TMEM51: variants seen among roughly 807,000 people sequenced by gnomAD.
TMEM51 encodes transmembrane protein 51.
A neutral mutation model predicts 13.6 loss-of-function variants in TMEM51; 8 were observed. The ratio of observed to expected loss-of-function variants is 0.59; its 90% confidence interval spans 0.35 to 1.07. The LOEUF (loss-of-function observed/expected upper bound fraction) is 1.07, where lower values mean the gene tolerates loss of function less well. Among genes scored for constraint, TMEM51 ranks in the 50% least tolerant of loss-of-function variants. The pLI is 0.02. For synonymous variants in TMEM51, 147 were observed against 144.4 expected (o/e 1.02, Z -0.13); for missense variants, 279 against 330.7 (o/e 0.84, Z 1.21).
At chr1:15,176,860 G>T (rs1643470755) in intron 1 of TMEM51, among the ~76,000 whole-genome samples, 1 of 152,174 alleles carries the variant, frequency 6.6e-6, no homozygotes, top group African/African-American at 2.4e-5. Context: ...AAGACTTAGA[G>T]GAGTCAGTTA....
At chr1:15,201,506 G>A (rs1322326124) in intron 1 of TMEM51, among the ~76,000 whole-genome samples, 1 of 152,016 alleles carries the variant, frequency 6.6e-6, no homozygotes, top group Non-Finnish European at 1.5e-5. Context: ...CATTTCATAG[G>A]AGCTTAGGAG....
chr1:15,217,686 C>G (rs188095475), intron 3 of TMEM51, among the ~76,000 whole-genome samples: 86 of 152,088 alleles, frequency 5.7e-4, no homozygotes, highest in Middle Eastern at 3.4e-3. Context: ...ATGAGATGTC[C>G]CAGCTCAAGC....
Position 15,207,044 on chromosome 1 carries a change from T to G in TMEM51, c.-266-3446T>G, listed in dbSNP as rs1483503482. Among the ~76,000 whole-genome samples the G allele has an allele frequency of 6.6e-6, 1 of 152,208 alleles. No homozygotes were observed. The highest frequency in any genetic ancestry group is 1.5e-5 in the Non-Finnish European group (1 of 68,028). On this transcript the variant is annotated intron_variant, in intron 1 of 3. Coordinates refer to ENST00000376008, the MANE Select transcript of TMEM51 (RefSeq NM_001136218.2). The surrounding 1 kb of genome is among the most constrained non-coding windows in gnomAD (Gnocchi z 4.6). ...GACTGGAAATTGTGACAAAAGTGATTGTGGGCTGAAACTTGGCAGAGAGAG... is the reference window on the plus strand; with the variant it reads ...GACTGGAAATTGTGACAAAAGTGATGGTGGGCTGAAACTTGGCAGAGAGAG...
At chr1:15,177,595 G>T (rs1643490419) in intron 1 of TMEM51, among the ~76,000 whole-genome samples, 1 of 152,164 alleles carries the variant, frequency 6.6e-6, no homozygotes, top group Non-Finnish European at 1.5e-5. Context: ...CTGTCCCTGT[G>T]GTTAATTGGT....
At chr1:15,178,435 C>T (rs1020454240) in intron 1 of TMEM51, among the ~76,000 whole-genome samples, 6 of 152,140 alleles carry the variant, frequency 3.9e-5, no homozygotes, top group Admixed American at 3.3e-4. Flanking sequence ...AAAGCAGATG[C>T]CGGGCCTTAC....
rs978043842 is a variant in TMEM51, at chr1:15,190,948, C to T, written c.-266-19542C>T. On this transcript the variant is annotated intron_variant, in intron 1 of 3. Transcript: ENST00000376008. ...AATTATAGGCACGTGCCACCACACCCGGCTAATTTTTTGTATTTTTAGTAG... is the reference window on the plus strand; with the variant it reads ...AATTATAGGCACGTGCCACCACACCTGGCTAATTTTTTGTATTTTTAGTAG... Among the ~76,000 whole-genome samples, 7 of 152,182 alleles carry T rather than the reference C, an allele frequency of 4.6e-5. No homozygotes were observed. In the East Asian group the frequency reaches 5.8e-4, roughly 13 times the overall value.
intron 1 of TMEM51, among the ~76,000 whole-genome samples, chr1:15,156,175 T>A (rs768986045): frequency 9.9e-5 from 15 of 152,168 alleles, no homozygotes; most frequent in Non-Finnish European, 1.6e-4. Flanking sequence ...TCTGGGGTAT[T>A]GGCAGGACCC....
intron 1 of TMEM51, among the ~76,000 whole-genome samples, chr1:15,162,829 T>C (rs538624105): frequency 6.6e-6 from 1 of 151,968 alleles, no homozygotes; most frequent in South Asian, 2.1e-4. Flanking sequence ...AAATGGAAAG[T>C]AGAATGTTGG....
rs765291414 is a variant in TMEM51, at chr1:15,215,207, C to T, written c.120C>T (p.Ala40=). The part of the protein sequence containing the change: ...MWNLVPGFSA[A]EKPTAQGSNK... ...ACCTGGTACCCGGCTTCAGCGCGGC[C>T]GAGAAGCCAACAGCTCAGGGCAGCA... The change falls in exon 3 of 4, where the codon GCC becomes GCT. Residue 40 remains alanine, a synonymous_variant. Coordinates refer to ENST00000376008, the MANE Select transcript of TMEM51 (RefSeq NM_001136218.2). The T allele has an allele frequency of 3.7e-5, 60 of 1,614,074 alleles. No homozygotes were observed. Among genetic ancestry groups the T allele is most frequent in the African/African-American group, 8.0e-5 (6 of 74,932 alleles).
At chr1:15,171,093 CCCT>C (rs1276811061) in intron 1 of TMEM51, 9 of 913,094 alleles carry the variant, frequency 9.9e-6, no homozygotes, top group East Asian at 6.2e-5. Context: ...GCTGGGTCCT[CCCT>C]CCTCCTCCAC....
chr1:15,197,906 G>T (rs972982381), intron 1 of TMEM51, among the ~76,000 whole-genome samples: 2 of 146,632 alleles, frequency 1.4e-5, no homozygotes, highest in Admixed American at 6.9e-5. Flanking sequence ...TCCCACAACC[G>T]TGAACCTCTC....
Position 15,215,383 on chromosome 1 carries a change from A to G in TMEM51, c.296A>G (p.His99Arg). 3 of 1,608,950 alleles carry G rather than the reference A, an allele frequency of 1.9e-6. No homozygotes were observed. Among genetic ancestry groups the G allele is most frequent in the Non-Finnish European group, 1.7e-6 (2 of 1,179,516 alleles). The change falls in exon 3 of 4, where the codon CAT (histidine) becomes CGT (arginine). Residue 99 changes from histidine to arginine, a missense_variant. Transcript: ENST00000376008. Reference sequence around the variant, plus strand: ...CAGCGGCAGGGCGAGGACCTGGCCCATGTCCAGCACCCGACAGGCGCTGGG... The same window carrying G: ...CAGCGGCAGGGCGAGGACCTGGCCCGTGTCCAGCACCCGACAGGCGCTGGG... ...RKQRQGEDLA[H>R]VQHPTGAGPH...
At chr1:15,157,944 T>A (rs1240383331) in intron 1 of TMEM51, among the ~76,000 whole-genome samples, 4 of 152,162 alleles carry the variant, frequency 2.6e-5, no homozygotes, top group Non-Finnish European at 4.4e-5. Flanking sequence ...CTGTTTCATG[T>A]CCTGGTTTGT....
intron 1 of TMEM51, among the ~76,000 whole-genome samples, chr1:15,183,056 C>T (rs1293847620): frequency 6.6e-6 from 1 of 152,230 alleles, no homozygotes; most frequent in African/African-American, 2.4e-5. Context: ...AGCCACCACG[C>T]CCAGCCAATG....
Position 15,219,647 on chromosome 1 carries a change from C to A in TMEM51, c.666C>A (p.Asp222Glu), listed in dbSNP as rs140576304. 3.1e-6 allele frequency: 5 copies of A among 1,613,924 alleles called. No homozygotes were observed. The highest frequency in any genetic ancestry group is 3.3e-5 in the Admixed American group (2 of 60,008). Reference protein sequence around the residue: ...HLKDFRINLPDKNVPPPSIEP... With the variant: ...HLKDFRINLPEKNVPPPSIEP... ...AAGACTTTAGGATCAACCTCCCAGA[C>A]AAAAACGTCCCTCCTCCCTCGATAG... The change falls in exon 4 of 4, where the codon GAC (aspartate) becomes GAA (glutamate). Residue 222 changes from aspartate to glutamate, a missense_variant. Physicochemically the swap from Asp to Glu is conservative, Grantham distance 45. Coordinates refer to ENST00000376008, the MANE Select transcript of TMEM51 (RefSeq NM_001136218.2).
At chr1:15,210,197 A>G (rs2100342569) in intron 1 of TMEM51, among the ~76,000 whole-genome samples, 1 of 152,258 alleles carries the variant, frequency 6.6e-6, no homozygotes, top group East Asian at 1.9e-4. Context: ...TCCTTATAAG[A>G]TGACCTGAGA....
At chr1:15,195,225 A>C (rs10927714) in intron 1 of TMEM51, among the ~76,000 whole-genome samples, 64,729 of 151,940 alleles carry the variant, frequency 0.43, 14,950 homozygotes, top group East Asian at 0.9. Context: ...GGGCCACTGC[A>C]CCGGCCTGCC....
In TMEM51 at chr1:15,214,930, G is replaced by C. The variant is rs984848442; in HGVS notation, c.-158G>C. The stretch of plus-strand genomic sequence containing the variant: ...CGCAGCCATCCGCACGGGAGGCCTC[G>C]CGATTGCTCGGAACCATCCCGCAGG... On this transcript the variant is annotated 5_prime_UTR_variant, in exon 3 of 4. Coordinates refer to ENST00000376008, the MANE Select transcript of TMEM51 (RefSeq NM_001136218.2). 1.8e-5 allele frequency: 13 copies of C among 711,270 alleles called. No homozygotes were observed. In the African/African-American group the frequency reaches 2.3e-4, roughly 13 times the overall value. The allele number at this position is 711,270 out of a possible 1,614,324, so 44.1% of individuals were successfully genotyped here.
In TMEM51 at chr1:15,215,300, G is replaced by A. The variant is rs765294092; in HGVS notation, c.213G>A (p.Gly71=). 11 of 1,614,206 alleles carry A rather than the reference G, an allele frequency of 6.8e-6. No individual in the cohort carries two copies. The highest frequency in any genetic ancestry group is 1.1e-5 in the South Asian group (1 of 91,082). Residue 71 remains glycine, a synonymous_variant, in exon 3 of 4, where the codon GGG becomes GGA. Coordinates refer to ENST00000376008, the MANE Select transcript of TMEM51 (RefSeq NM_001136218.2). Reference sequence around the variant, plus strand: ...TCTCTGTGGCCTACGTGCTGGTCGGGGCCGGGGTGATGCTGCTGCTGCTTT... The same window carrying A: ...TCTCTGTGGCCTACGTGCTGGTCGGAGCCGGGGTGATGCTGCTGCTGCTTT... ...KTFSVAYVLV[G]AGVMLLLLSI...
Sources: gnomAD v4.1 joint callset for allele counts (sites outside exome capture counted in the v4.1 genomes callset) on GRCh38, gnomAD v4.1.1 for gene constraint, Gnocchi (gnomAD v3.1) non-coding constraint, MANE v1.5 for transcripts, NCBI Gene and HGNC (gene_info 2026-07-23, HGNC 2026-07-21) for gene names.